The following NKAIN2 variants were observed in gnomAD, a reference collection of about 807,000 sequenced individuals.
The protein encoded by NKAIN2 is sodium/potassium transporting ATPase interacting 2, also known as sodium/potassium-transporting ATPase subunit beta-1-interacting protein 2.
NKAIN2 carries 14 observed loss-of-function variants against 32.6 expected under a neutral mutation model. That is an observed-to-expected ratio of 0.43 (90% CI 0.28 to 0.67). The LOEUF (loss-of-function observed/expected upper bound fraction) is 0.67, where lower values mean the gene tolerates loss of function less well. Among genes scored for constraint, NKAIN2 ranks in the 30% least tolerant of loss-of-function variants. The probability of loss-of-function intolerance (pLI) is 0.17; values close to 1 mark genes in which losing one functional copy is unlikely to be tolerated. For synonymous variants in NKAIN2, 80 were observed against 87.2 expected (o/e 0.92, Z 0.46); for missense variants, 198 against 258.3 (o/e 0.77, Z 1.60).
intron 1 of NKAIN2, among the ~76,000 whole-genome samples, chr6:124,219,014 G>A (rs1172216435): frequency 1.3e-5 from 2 of 152,050 alleles, no homozygotes; most frequent in Non-Finnish European, 2.9e-5. Context: ...TAGTGAAGAA[G>A]GAACTTCCAA....
At chr6:124,083,514 A>G (rs550235386) in intron 1 of NKAIN2, among the ~76,000 whole-genome samples, 13 of 151,912 alleles carry the variant, frequency 8.6e-5, no homozygotes, top group South Asian at 6.2e-4. Context: ...TTTTTATAAT[A>G]TAAAATTTAT....
intron 1 of NKAIN2, among the ~76,000 whole-genome samples, chr6:123,907,840 G>C (rs967590216): frequency 6.6e-6 from 1 of 152,104 alleles, no homozygotes; most frequent in African/African-American, 2.4e-5. Context: ...ACAAATAGCA[G>C]TAACAAAATA....
intron 1 of NKAIN2, among the ~76,000 whole-genome samples, chr6:124,192,780 C>T (rs1159452797): frequency 3.4e-5 from 4 of 119,022 alleles, no homozygotes; most frequent in Non-Finnish European, 4.9e-5. Flanking sequence ...GACAGAGTCT[C>T]GCTCTGTCGC....
intron 3 of NKAIN2, among the ~76,000 whole-genome samples, chr6:124,364,997 G>T (rs1418452120): frequency 1.3e-5 from 2 of 151,828 alleles, no homozygotes; most frequent in Admixed American, 1.3e-4. Context: ...GATTATAATA[G>T]TTCAAGACTA....
chr6:124,590,591 C>T (rs1781875058), intron 3 of NKAIN2, among the ~76,000 whole-genome samples: 1 of 152,158 alleles, frequency 6.6e-6, no homozygotes, highest in Admixed American at 6.5e-5. Flanking sequence ...GCACAGTCAC[C>T]CACATCTGTG....
At chr6:124,188,883 T>C (rs537886496) in intron 1 of NKAIN2, among the ~76,000 whole-genome samples, 29 of 152,334 alleles carry the variant, frequency 1.9e-4, no homozygotes, top group African/African-American at 7.0e-4. Flanking sequence ...ACAGAAAATC[T>C]CTTAAGCTTT....
In NKAIN2 at chr6:124,402,909, A is replaced by G. The variant is rs1031688902; in HGVS notation, c.273+47562A>G. Among the ~76,000 whole-genome samples the G allele has an allele frequency of 5.9e-5, 9 of 152,250 alleles. No individual in the cohort carries two copies. In the East Asian group the frequency reaches 1.7e-3, roughly 29 times the overall value. On this transcript the variant is annotated intron_variant, in intron 3 of 6. Transcript: ENST00000368417. ...GTACACCAAATCCTTGTGACATGCA[A>G]TTTACCTATATAACAAACCTGCACC... is the stretch of plus-strand genomic sequence containing the variant.
chr6:123,859,162 G>T (rs1775679425), intron 1 of NKAIN2, among the ~76,000 whole-genome samples: 1 of 151,932 alleles, frequency 6.6e-6, no homozygotes, highest in Non-Finnish European at 1.5e-5. Context: ...AATGACATAA[G>T]AAATTCAATC....
chr6:124,642,944 T>G (rs1460753159), intron 3 of NKAIN2, among the ~76,000 whole-genome samples: 1 of 152,146 alleles, frequency 6.6e-6, no homozygotes, highest in East Asian at 1.9e-4. Flanking sequence ...CTCTGTATCC[T>G]TGTAGAACTC....
intron 3 of NKAIN2, among the ~76,000 whole-genome samples, chr6:124,645,335 T>C (rs1405750601): frequency 2.0e-5 from 3 of 152,180 alleles, no homozygotes; most frequent in East Asian, 3.9e-4. Context: ...GTAGCTTGCC[T>C]TAGCCTCTTC....
At chr6:124,707,276 C>T (rs1328832861) in intron 4 of NKAIN2, among the ~76,000 whole-genome samples, 2 of 152,066 alleles carry the variant, frequency 1.3e-5, no homozygotes, top group African/African-American at 2.4e-5. Context: ...GTCTTTGCTA[C>T]TGTGAATACT....
At chr6:124,609,821 C>T (rs1304641067) in intron 3 of NKAIN2, among the ~76,000 whole-genome samples, 6 of 152,080 alleles carry the variant, frequency 3.9e-5, no homozygotes, top group African/African-American at 9.7e-5. Flanking sequence ...AGAGCTACGA[C>T]GCCGGGGCCA....
At chr6:124,087,335 C>T (rs533064637) in intron 1 of NKAIN2, among the ~76,000 whole-genome samples, 46 of 151,736 alleles carry the variant, frequency 3.0e-4, no homozygotes, top group Non-Finnish European at 4.7e-4. Context: ...TGTTGAGAAA[C>T]GAGAAGCTTT....
chr6:124,001,221 G>C (rs566577789), intron 1 of NKAIN2, among the ~76,000 whole-genome samples: 1 of 151,714 alleles, frequency 6.6e-6, no homozygotes, highest in East Asian at 2.0e-4. Context: ...GCTCTTTAAA[G>C]GGAATAGCTT....
At position 124,462,259 on chromosome 6, in the gene NKAIN2, A is replaced by G. The variant is rs561081047; in HGVS notation, c.273+106912A>G. On this transcript the variant is annotated intron_variant, in intron 3 of 6. Transcript: ENST00000368417. ...AAATAATATACTGTTTGAAGAAAATAAAAGCACCATAATCTAATAAAATTC... is the reference window on the plus strand; with the variant it reads ...AAATAATATACTGTTTGAAGAAAATGAAAGCACCATAATCTAATAAAATTC... 5.9e-5 allele frequency among the ~76,000 whole-genome samples: 9 copies of G among 152,082 alleles called. No individual in the cohort carries two copies. In the East Asian group the frequency reaches 1.7e-3, roughly 29 times the overall value.
intron 4 of NKAIN2, among the ~76,000 whole-genome samples, chr6:124,665,737 A>G (rs1238626856): frequency 1.3e-5 from 2 of 152,196 alleles, no homozygotes; most frequent in Non-Finnish European, 2.9e-5. Flanking sequence ...TGATTCTCTA[A>G]TACCAGAATG....
rs188363300 is a variant in NKAIN2 at position 124,071,346 on chromosome 6, T to G, written c.55-211659T>G. 1.8e-3 allele frequency among the ~76,000 whole-genome samples: 268 copies of G among 152,282 alleles called. 2 individuals are homozygous for G. The highest frequency in any genetic ancestry group is 5.8e-3 in the African/African-American group (243 of 41,558). On this transcript the variant is annotated intron_variant, in intron 1 of 6. Coordinates refer to ENST00000368417, the MANE Select transcript of NKAIN2 (RefSeq NM_001040214.3). ...TCAAAATGGATTAAAGATTTAAATG[T>G]AAGACCTCAAACTATAAGAATCCTA...
Position 124,759,657 on chromosome 6 carries a change from C to CACACACACACACACACACA in NKAIN2, c.475-31682_475-31681insACACACACACACACACACA, listed in dbSNP as rs1562367850. ...CACACACACACACACACACACACAC[C>CACACACACACACACACACA]CCCTATCTCCCTTTCCTGCCTTATT... is the stretch of plus-strand genomic sequence containing the variant. On this transcript the variant is annotated intron_variant, in intron 4 of 6. Coordinates refer to ENST00000368417, the MANE Select transcript of NKAIN2 (RefSeq NM_001040214.3). 5.3e-5 allele frequency among the ~76,000 whole-genome samples: 4 copies of CACACACACACACACACACA among 75,374 alleles called. 1 individual carries two copies. The highest frequency in any genetic ancestry group is 1.4e-4 in the Admixed American group (1 of 7,372). 49.4% of individuals were successfully genotyped at this position (75,374 alleles called of 152,430 possible).
At chr6:124,238,208 A>G (rs1792881168) in intron 1 of NKAIN2, among the ~76,000 whole-genome samples, 1 of 152,108 alleles carries the variant, frequency 6.6e-6, no homozygotes, top group African/African-American at 2.4e-5. Context: ...AATAGCGAAA[A>G]GGGAATCCTG....
Sources: allele counts gnomAD v4.1 joint callset (sites outside exome capture counted in the v4.1 genomes callset), GRCh38; gene constraint gnomAD v4.1.1; transcripts MANE v1.5; gene names NCBI Gene and HGNC (gene_info 2026-07-23, HGNC 2026-07-21).